Variants in NRCAM observed in about 807,000 individuals in gnomAD.
NRCAM encodes neuronal cell adhesion molecule, also known as NgCAM-related cell adhesion molecule.
Under a neutral mutation model 156.5 loss-of-function variants are expected in NRCAM, and 83 were observed. The ratio of observed to expected loss-of-function variants is 0.53; its 90% confidence interval spans 0.44 to 0.64. The LOEUF is 0.64. Ranked by LOEUF, NRCAM falls within the 30% of genes least tolerant of loss-of-function variation. NRCAM has a pLI of 0.00. For missense variants in NRCAM, 1,417 were observed against 1,597.3 expected, an observed-to-expected ratio of 0.89 and a Z score of 1.92; for synonymous variants, 538 against 563.9, an observed-to-expected ratio of 0.95 and a Z score of 0.65.
intron 3 of NRCAM, among the ~76,000 whole-genome samples, chr7:108,311,374 T>C (rs1254705094): frequency 6.6e-6 from 1 of 150,440 alleles, no homozygotes; most frequent in African/African-American, 2.4e-5. Flanking sequence ...GTGTTCTTTA[T>C]GAAACAAGGA....
chr7:108,179,740 G>A (rs1308564769), intron 25 of NRCAM, among the ~76,000 whole-genome samples: 4 of 151,994 alleles, frequency 2.6e-5, no homozygotes, highest in Admixed American at 6.5e-5. Context: ...CTTCTAACTC[G>A]GTTCAACTTT....
chr7:108,411,621 C>T (rs1795420565), intron 1 of NRCAM, among the ~76,000 whole-genome samples: 2 of 152,124 alleles, frequency 1.3e-5, no homozygotes, highest in Admixed American at 1.3e-4. Flanking sequence ...CCTCTGCCTC[C>T]TGGGTTCAAG....
chr7:108,380,554 A>T (rs1217567849), intron 2 of NRCAM, among the ~76,000 whole-genome samples: 1 of 152,204 alleles, frequency 6.6e-6, no homozygotes, highest in Non-Finnish European at 1.5e-5. Flanking sequence ...TGGTAAGCAT[A>T]CTTTACAGTT....
rs761151686 is a variant in NRCAM at position 108,167,032 on chromosome 7, T to C, written c.3355A>G (p.Ser1119Gly). 1.5e-5 allele frequency: 25 copies of C among 1,613,742 alleles called. No homozygotes were observed. ...WRKEIVNGSR[S>G]FFGLKGLMPG... ...ATTAGACCCTTTAACCCAAAGAAGC[T>C]CCGAGAACCATTTACAATTTCTTTT... Residue 1119 changes from serine (S) to glycine (G), a missense_variant, in exon 30 of 33, where the codon AGC (serine) becomes GGC (glycine). This residue lies in a region of NRCAM where 179 missense variants were observed against 260.9 expected (regional missense o/e 0.69). Transcript: ENST00000379028.
intron 2 of NRCAM, among the ~76,000 whole-genome samples, chr7:108,380,698 G>A (rs1297948204): frequency 6.6e-6 from 1 of 152,100 alleles, no homozygotes; most frequent in Admixed American, 6.6e-5. Context: ...GTTGAGACAG[G>A]ATGTTGCTCT....
At chr7:108,406,726 GAATA>G (rs1480892970) in intron 1 of NRCAM, among the ~76,000 whole-genome samples, 5 of 152,246 alleles carry the variant, frequency 3.3e-5, no homozygotes, top group East Asian at 1.9e-4. Flanking sequence ...GAGTTTAATA[GAATA>G]AACAAAACAA....
Position 108,456,235 on chromosome 7 carries a change from C to G in NRCAM, c.-332+8G>C, listed in dbSNP as rs898969882. On this transcript the variant is annotated splice_region_variant and intron_variant, in intron 1 of 32. Transcript: ENST00000379028. ...GTGTCACCGCCAGACGCGCAAGGAGCTACTTACGTTCTCGCGCCGCGCCCT... is the reference window on the plus strand; with the variant it reads ...GTGTCACCGCCAGACGCGCAAGGAGGTACTTACGTTCTCGCGCCGCGCCCT... The G allele has an allele frequency of 1.3e-5, 2 of 152,558 alleles. No individual in the cohort carries two copies. The highest frequency in any genetic ancestry group is 2.9e-5 in the Non-Finnish European group (2 of 68,354). 9.5% of individuals were successfully genotyped at this position (152,558 alleles called of 1,614,324 possible).
intron 28 of NRCAM, among the ~76,000 whole-genome samples, chr7:108,172,502 G>A (rs1267654289): frequency 1.3e-5 from 2 of 152,112 alleles, no homozygotes; most frequent in Non-Finnish European, 2.9e-5. Context: ...CACCATGTTG[G>A]CCAGGCTGGT....
rs1406670385 is a variant in NRCAM at position 108,168,304 on chromosome 7, A to G, written c.3286T>C (p.Phe1096Leu). The G allele has an allele frequency of 6.3e-7, 1 of 1,599,996 alleles. No individual in the cohort carries two copies. Among genetic ancestry groups the G allele is most frequent in the African/African-American group, 1.3e-5 (1 of 74,342 alleles). Residue 1096 changes from phenylalanine to leucine, a missense_variant, in exon 29 of 33, where the codon TTT becomes CTT. This residue lies in a region of NRCAM where 179 missense variants were observed against 260.9 expected (regional missense o/e 0.69). Transcript: ENST00000379028. Reference sequence around the variant, plus strand: ...CCTGCTACACCATATTCAACATAAAAGTTCACATGCTCTGGTCCCTCATAT... The same window carrying G: ...CCTGCTACACCATATTCAACATAAAGGTTCACATGCTCTGGTCCCTCATAT... ...WEYEGPEHVNFYVEYGVAGSK... is the reference protein window; with the variant it reads ...WEYEGPEHVNLYVEYGVAGSK...
intron 2 of NRCAM, among the ~76,000 whole-genome samples, chr7:108,334,363 T>C (rs1304292259): frequency 6.6e-6 from 1 of 152,212 alleles, no homozygotes; most frequent in Non-Finnish European, 1.5e-5. Flanking sequence ...TAGATTTCCA[T>C]TGCCTATAGA....
chr7:108,269,712 G>T (rs2097268388), intron 3 of NRCAM, among the ~76,000 whole-genome samples: 1 of 152,160 alleles, frequency 6.6e-6, no homozygotes, highest in African/African-American at 2.4e-5. Flanking sequence ...CCATTAATCA[G>T]TCAGTTAAAT....
intron 2 of NRCAM, among the ~76,000 whole-genome samples, chr7:108,395,572 G>C (rs2099774520): frequency 6.6e-6 from 1 of 152,150 alleles, no homozygotes; most frequent in African/African-American, 2.4e-5. Context: ...CCATGCAAAA[G>C]TGTCACCCTG....
At position 108,195,891 on chromosome 7, in the gene NRCAM, G is replaced by C; in HGVS notation, c.1352-19C>G. The C allele has an allele frequency of 6.9e-7, 1 of 1,441,150 alleles. No individual in the cohort carries two copies. Among genetic ancestry groups the C allele is most frequent in the Non-Finnish European group, 9.7e-7 (1 of 1,027,138 alleles). The allele number at this position is 1,441,150 out of a possible 1,614,324, so 89.3% of individuals were successfully genotyped here. On this transcript the variant is annotated intron_variant, in intron 14 of 32. Transcript: ENST00000379028. ...GGCTCAGCTACAAATATTTTTAAAAGGTAAAGTAAATATTAGAATACATTT... is the reference window on the plus strand; with the variant it reads ...GGCTCAGCTACAAATATTTTTAAAACGTAAAGTAAATATTAGAATACATTT...
chr7:108,318,557 A>G (rs2098960367), intron 2 of NRCAM, among the ~76,000 whole-genome samples: 1 of 152,212 alleles, frequency 6.6e-6, no homozygotes, highest in Admixed American at 6.5e-5. Flanking sequence ...AACACAGAAG[A>G]GCACTTGGAA....
intron 1 of NRCAM, among the ~76,000 whole-genome samples, chr7:108,450,096 T>C (rs1848602567): frequency 6.6e-6 from 1 of 152,154 alleles, no homozygotes; most frequent in South Asian, 2.1e-4. Flanking sequence ...CATTCTCATG[T>C]GAATTAAACC....
At chr7:108,387,703 A>G (rs2099745371) in intron 2 of NRCAM, among the ~76,000 whole-genome samples, 1 of 149,198 alleles carries the variant, frequency 6.7e-6, no homozygotes, top group African/African-American at 2.5e-5. Flanking sequence ...TCCTAATGCT[A>G]TCCCTCCCCC....
At chr7:108,301,603 A>AT (rs1331351740) in intron 3 of NRCAM, among the ~76,000 whole-genome samples, 3 of 151,928 alleles carry the variant, frequency 2.0e-5, no homozygotes, top group South Asian at 2.1e-4. Context: ...GGTGTTTCAG[A>AT]TTTTTTTTCT....
intron 23 of NRCAM, 78 bp downstream of exon 23, chr7:108,182,617 G>T: frequency 7.7e-7 from 1 of 1,305,068 alleles, no homozygotes; most frequent in Non-Finnish European, 1.1e-6. Flanking sequence ...CTTGCAACCT[G>T]AGCAAGGAGA....
chr7:108,222,992 CTAAGT>C (rs1562810977), intron 11 of NRCAM, among the ~76,000 whole-genome samples: 2 of 152,136 alleles, frequency 1.3e-5, no homozygotes, highest in African/African-American at 4.8e-5. Context: ...GTGTGCACAA[CTAAGT>C]TATTTCAAAG....
Sources: gnomAD v4.1 joint callset for allele counts (sites outside exome capture counted in the v4.1 genomes callset) on GRCh38, gnomAD v4.1.1 for gene constraint, gnomAD v4.1.1 regional missense constraint, MANE v1.5 for transcripts, NCBI Gene and HGNC (gene_info 2026-07-23, HGNC 2026-07-21) for gene names.